ZNF775: variants seen among roughly 807,000 people sequenced by gnomAD.
ZNF775 encodes zinc finger protein 775.
A neutral mutation model predicts 2.4 loss-of-function variants in ZNF775; 1 was observed. The observed-to-expected ratio is 0.41, with a 90% CI of 0.15 to 1.94. The LOEUF is 1.94. Ranked by LOEUF, ZNF775 falls within the 30% of genes most tolerant of loss-of-function variation. The pLI is 0.30. For missense variants in ZNF775, 823 were observed against 826.6 expected, an observed-to-expected ratio of 1.00 and a Z score of 0.05; for synonymous variants, 381 against 373.3, an observed-to-expected ratio of 1.02 and a Z score of -0.24.
chr7:150,394,067 A>G (rs1189648175), intron 2 of ZNF775, among the ~76,000 whole-genome samples: 1 of 152,210 alleles, frequency 6.6e-6, no homozygotes, highest in East Asian at 1.9e-4. Flanking sequence ...TTTCTGGGCA[A>G]TTTGTATAGA....
chr7:150,394,889 A>C (rs1324978090), intron 2 of ZNF775, among the ~76,000 whole-genome samples: 1 of 152,142 alleles, frequency 6.6e-6, no homozygotes. Context: ...TGCTTTGCTA[A>C]TGTTTGTGTC....
At chr7:150,380,479 G>T (rs575584110) in intron 1 of ZNF775, among the ~76,000 whole-genome samples, 1 of 152,298 alleles carries the variant, frequency 6.6e-6, no homozygotes, top group South Asian at 2.1e-4. Flanking sequence ...TCCTGGCTGT[G>T]CCTGGTGTGT....
At position 150,396,730 on chromosome 7, in the gene ZNF775, G is replaced by A. The variant is rs1449553412; in HGVS notation, c.249G>A (p.Gly83=). ...RWAPPTEQDA[G]LAGRAPGSAS... ...CCCCTCCCACTGAGCAGGATGCGGGGCTGGCAGGCCGGGCTCCCGGGTCAG... is the reference window on the plus strand; with the variant it reads ...CCCCTCCCACTGAGCAGGATGCGGGACTGGCAGGCCGGGCTCCCGGGTCAG... The change falls in exon 3 of 3, where the codon GGG becomes GGA. Residue 83 remains glycine, a synonymous_variant. Transcript: ENST00000329630. The A allele has an allele frequency of 1.9e-6, 3 of 1,593,794 alleles. No individual in the cohort carries two copies. Among genetic ancestry groups the A allele is most frequent in the East Asian group, 4.5e-5 (2 of 44,070 alleles).
At chr7:150,395,142 G>C (rs1407943287) in intron 2 of ZNF775, among the ~76,000 whole-genome samples, 1 of 152,126 alleles carries the variant, frequency 6.6e-6, no homozygotes, top group Non-Finnish European at 1.5e-5. Flanking sequence ...TATGTAGTCA[G>C]ATTTTCTACC....
At position 150,398,219 on chromosome 7, in the gene ZNF775, AGGCTCTGAAG is replaced by A; in HGVS notation, c.*129_*138del. On this transcript the variant is annotated 3_prime_UTR_variant, in exon 3 of 3. Coordinates refer to ENST00000329630, the MANE Select transcript of ZNF775 (RefSeq NM_173680.4). The stretch of plus-strand genomic sequence containing the variant: ...TAGAGCGGGACCGGTGGATTCCTTA[AGGCTCTGAAG>A]GGCTGAGAACAGTTCTAGAAGCGTC... 7.1e-7 allele frequency: 1 copy of A among 1,402,604 alleles called. No individual in the cohort carries two copies. Among genetic ancestry groups the A allele is most frequent in the South Asian group, 1.4e-5 (1 of 71,150 alleles). The allele number at this position is 1,402,604 out of a possible 1,614,324, so 86.9% of individuals were successfully genotyped here.
chr7:150,387,539 C>T (rs922049367), intron 1 of ZNF775, among the ~76,000 whole-genome samples: 5 of 152,020 alleles, frequency 3.3e-5, no homozygotes, highest in Non-Finnish European at 7.4e-5. Context: ...GAAGGCCGGG[C>T]GCAGTGGCTC....
In ZNF775 at chr7:150,398,254, C is replaced by T; in HGVS notation, c.*159C>T. The T allele has an allele frequency of 8.2e-7, 1 of 1,214,068 alleles. No homozygotes were observed. The highest frequency in any genetic ancestry group is 1.1e-6 in the Non-Finnish European group (1 of 905,656). 75.2% of individuals were successfully genotyped at this position (1,214,068 alleles called of 1,614,324 possible). On this transcript the variant is annotated 3_prime_UTR_variant, in exon 3 of 3. Coordinates refer to ENST00000329630, the MANE Select transcript of ZNF775 (RefSeq NM_173680.4). ...GGGCTGAGAACAGTTCTAGAAGCGT[C>T]CCAAAGGGTGCTGGGAAAGGTCCCA...
At position 150,396,958 on chromosome 7, in the gene ZNF775, C is replaced by T. The variant is rs1308441793; in HGVS notation, c.477C>T (p.Gly159=). 5 of 1,600,368 alleles carry T rather than the reference C, an allele frequency of 3.1e-6. No homozygotes were observed. Among genetic ancestry groups the T allele is most frequent in the South Asian group, 1.1e-5 (1 of 90,946 alleles). ...CGCGCCACCAGCGGCACCACACGGG[C>T]GAGCGACCCTTCTGCTGCCCCGAGT... ...NLARHQRHHT[G]ERPFCCPECA... is the part of the protein sequence containing the mutation. The change falls in exon 3 of 3, where the codon GGC becomes GGT. Residue 159 remains glycine, a synonymous_variant. Transcript: ENST00000329630.
chr7:150,379,623 C>T (rs1800326134), intron 1 of ZNF775, among the ~76,000 whole-genome samples: 1 of 151,984 alleles, frequency 6.6e-6, no homozygotes, highest in Non-Finnish European at 1.5e-5. Context: ...GGGAAAGGGG[C>T]GCGGCCGAGG....
intron 2 of ZNF775, among the ~76,000 whole-genome samples, chr7:150,392,545 ATCTCTCTCTCTC>A (rs56067146): frequency 0.015 from 2,115 of 136,592 alleles, 59 homozygotes; most frequent in African/African-American, 0.059. Flanking sequence ...TCCCAAATGG[ATCTCTCTCTCTC>A]TCTCTCTCTC....
In ZNF775 at chr7:150,397,877, C is replaced by A; in HGVS notation, c.1396C>A (p.Arg466Ser). The change falls in exon 3 of 3, where the codon CGC (arginine) becomes AGC (serine). Residue 466 changes from arginine (R) to serine (S), a missense_variant. Physicochemically the swap from Arg to Ser is moderately radical, Grantham distance 110 (BLOSUM62 -1). Coordinates refer to ENST00000329630, the MANE Select transcript of ZNF775 (RefSeq NM_173680.4). Reference sequence around the variant, plus strand: ...GTGGTCGGCGCTCACCATCCACCAGCGCATCCACACGGGTGAGCGGCCCTA... The same window carrying A: ...GTGGTCGGCGCTCACCATCCACCAGAGCATCCACACGGGTGAGCGGCCCTA... ...SWWSALTIHQ[R>S]IHTGERPYPC... 2.5e-6 allele frequency: 4 copies of A among 1,603,538 alleles called. No individual in the cohort carries two copies. The highest frequency in any genetic ancestry group is 3.4e-6 in the Non-Finnish European group (4 of 1,178,582).
At chr7:150,381,085 T>C (rs1800351646) in intron 1 of ZNF775, among the ~76,000 whole-genome samples, 1 of 152,124 alleles carries the variant, frequency 6.6e-6, no homozygotes, top group East Asian at 1.9e-4. Flanking sequence ...TCAGCTCAGA[T>C]GCAGGCCCTG....
chr7:150,390,861 TAA>T (rs1800548149), intron 2 of ZNF775, among the ~76,000 whole-genome samples: 2 of 152,238 alleles, frequency 1.3e-5, no homozygotes, highest in Non-Finnish European at 2.9e-5. Flanking sequence ...CTAATTTTAA[TAA>T]ACACTGTCAG....
At chr7:150,388,359 G>A (rs1483651304) in intron 1 of ZNF775, 63 bp from the exon 2 acceptor site, 4 of 1,316,560 alleles carry the variant, frequency 3.0e-6, no homozygotes, top group Non-Finnish European at 4.3e-6. Context: ...GGGGGCTGGG[G>A]ACCCTGAGTT....
rs1242929189 is a variant in ZNF775, at chr7:150,384,583, C to T, written c.-49-3839C>T. Among the ~76,000 whole-genome samples, 1 of 152,212 alleles carries T rather than the reference C, an allele frequency of 6.6e-6. No individual in the cohort carries two copies. Among genetic ancestry groups the T allele is most frequent in the Non-Finnish European group, 1.5e-5 (1 of 68,042 alleles). The stretch of plus-strand genomic sequence containing the variant: ...TGTGCCATTTCCCAGACATAGCCCA[C>T]CTGAGCACACAGGTAGAGGCGGGTC... On this transcript the variant is annotated intron_variant, in intron 1 of 2. Transcript: ENST00000329630. This position sits in a 1 kb window ranked among gnomAD's most constrained non-coding sequence, Gnocchi z 4.1.
chr7:150,386,857 G>A (rs1296190216), intron 1 of ZNF775, among the ~76,000 whole-genome samples: 1 of 152,220 alleles, frequency 6.6e-6, no homozygotes, highest in Admixed American at 6.5e-5. Context: ...TGTGTGCCCG[G>A]CTCTGCTCTG....
chr7:150,395,457 C>A (rs947926496), intron 2 of ZNF775, among the ~76,000 whole-genome samples: 36 of 152,318 alleles, frequency 2.4e-4, no homozygotes, highest in African/African-American at 8.2e-4. Context: ...GGATCACAAG[C>A]TCTGTAAATT....
At chr7:150,388,914 A>T (rs1012009608) in intron 2 of ZNF775, among the ~76,000 whole-genome samples, 3 of 152,168 alleles carry the variant, frequency 2.0e-5, no homozygotes, top group African/African-American at 4.8e-5. Flanking sequence ...CAGTCCATTA[A>T]CGCTTCCTGG....
In ZNF775 at chr7:150,397,592, T is replaced by A; in HGVS notation, c.1111T>A (p.Cys371Ser). Reference protein sequence around the residue: ...PGAQAAPCPSCGKSCRSRAAL... With the variant: ...PGAQAAPCPSSGKSCRSRAAL... The stretch of plus-strand genomic sequence containing the variant: ...CGCCCAGGCTGCGCCCTGCCCCAGC[T>A]GCGGTAAGAGCTGCCGCAGCCGCGC... The change falls in exon 3 of 3, where the codon TGC becomes AGC. Residue 371 changes from cysteine (C) to serine (S), a missense_variant. Cys to Ser is a moderately radical substitution (Grantham distance 112). Transcript: ENST00000329630. The A allele has an allele frequency of 6.8e-7, 1 of 1,469,676 alleles. No individual in the cohort carries two copies. The highest frequency in any genetic ancestry group is 8.9e-7 in the Non-Finnish European group (1 of 1,118,022). The allele number at this position is 1,469,676 out of a possible 1,614,324, so 91.0% of individuals were successfully genotyped here.
Sources: allele counts gnomAD v4.1 joint callset (sites outside exome capture counted in the v4.1 genomes callset), GRCh38; gene constraint gnomAD v4.1.1; non-coding constraint Gnocchi (gnomAD v3.1); transcripts MANE v1.5; gene names NCBI Gene and HGNC (gene_info 2026-07-23, HGNC 2026-07-21).